Variants in SPOCK3 observed in about 807,000 individuals in gnomAD.
SPOCK3 encodes SPARC (osteonectin), cwcv and kazal like domains proteoglycan 3, also known as testican-3.
SPOCK3 carries 30 observed loss-of-function variants against 56.6 expected under a neutral mutation model. That is an observed-to-expected ratio of 0.53 (90% CI 0.40 to 0.72). The LOEUF is 0.72. SPOCK3 is among the 30% of genes least tolerant of loss of function. The probability of loss-of-function intolerance (pLI) is 0.00; values close to 1 mark genes in which losing one functional copy is unlikely to be tolerated. For synonymous variants in SPOCK3, 196 were observed against 183.3 expected, an observed-to-expected ratio of 1.07 and a Z score of -0.56; for missense variants, 527 against 530.0, an observed-to-expected ratio of 0.99 and a Z score of 0.06.
At chr4:166,954,685 C>T (rs28431905) in intron 4 of SPOCK3, among the ~76,000 whole-genome samples, 7,763 of 152,132 alleles carry the variant, frequency 0.051, 649 homozygotes, top group African/African-American at 0.18. Context: ...GCATAATATA[C>T]CCACCTTAAA....
intron 3 of SPOCK3, among the ~76,000 whole-genome samples, chr4:167,059,065 C>T (rs544309808): frequency 0.036 from 5,512 of 152,012 alleles, 298 homozygotes; most frequent in African/African-American, 0.13. Context: ...AAAACCTAGG[C>T]AATACCATTC....
intron 4 of SPOCK3, among the ~76,000 whole-genome samples, chr4:166,982,902 G>A (rs557172272): frequency 1.5e-4 from 23 of 152,230 alleles, no homozygotes; most frequent in African/African-American, 5.5e-4. Flanking sequence ...TTATAGATAA[G>A]CATAAGGGGC....
chr4:166,780,492 A>G (rs963266977), intron 7 of SPOCK3, among the ~76,000 whole-genome samples: 1 of 152,144 alleles, frequency 6.6e-6, no homozygotes, highest in Non-Finnish European at 1.5e-5. Flanking sequence ...ATGAACTCCC[A>G]TCCACATCCA....
chr4:166,739,271 C>T (rs780348838), intron 9 of SPOCK3, among the ~76,000 whole-genome samples: 33 of 152,016 alleles, frequency 2.2e-4, no homozygotes, highest in Non-Finnish European at 4.4e-4. Context: ...GACAGAGTCT[C>T]ACTCCATCAC....
At chr4:166,985,883 C>T (rs1300725837) in intron 4 of SPOCK3, among the ~76,000 whole-genome samples, 1 of 152,060 alleles carries the variant, frequency 6.6e-6, no homozygotes, top group Non-Finnish European at 1.5e-5. Context: ...TTTAGTACAT[C>T]CAAACAAACG....
At chr4:167,133,120 C>T (rs185888174) in intron 2 of SPOCK3, among the ~76,000 whole-genome samples, 6 of 152,224 alleles carry the variant, frequency 3.9e-5, no homozygotes, top group East Asian at 1.9e-4. Context: ...TATTACAATG[C>T]AAATGGGTTT....
intron 2 of SPOCK3, among the ~76,000 whole-genome samples, chr4:167,088,827 T>C (rs1290389460): frequency 2.0e-5 from 3 of 152,148 alleles, no homozygotes; most frequent in African/African-American, 7.2e-5. Flanking sequence ...CATTTTATAG[T>C]AGCTAGTACC....
At chr4:166,996,882 G>A (rs1487033462) in intron 4 of SPOCK3, among the ~76,000 whole-genome samples, 6 of 152,098 alleles carry the variant, frequency 3.9e-5, no homozygotes, top group Non-Finnish European at 8.8e-5. Context: ...GCTGAGGAAG[G>A]AGAAATTTAC....
chr4:166,867,123 T>A (rs1378133645), intron 6 of SPOCK3, among the ~76,000 whole-genome samples: 1 of 152,032 alleles, frequency 6.6e-6, no homozygotes, highest in East Asian at 1.9e-4. Flanking sequence ...GAAGGCATCA[T>A]TTTAATGCAC....
intron 6 of SPOCK3, among the ~76,000 whole-genome samples, chr4:166,805,421 T>C (rs1743051731): frequency 6.6e-6 from 1 of 152,082 alleles, no homozygotes; most frequent in Non-Finnish European, 1.5e-5. Context: ...AATGGTCACA[T>C]ATACCTACAA....
chr4:166,916,983 AAG>A (rs1737930030), intron 4 of SPOCK3, among the ~76,000 whole-genome samples: 1 of 152,152 alleles, frequency 6.6e-6, no homozygotes, highest in African/African-American at 2.4e-5. Context: ...TGGATGTTAA[AAG>A]AGAGAGCTAG....
At chr4:167,034,987 T>C (rs7689768) in intron 3 of SPOCK3, among the ~76,000 whole-genome samples, 54,896 of 151,886 alleles carry the variant, frequency 0.36, 12,299 homozygotes, top group African/African-American at 0.64. Context: ...TAATATCTAC[T>C]CATTGATAAA....
chr4:167,072,411 G>T (rs1330658352), intron 2 of SPOCK3, among the ~76,000 whole-genome samples: 2 of 151,902 alleles, frequency 1.3e-5, no homozygotes, highest in African/African-American at 4.8e-5. Context: ...CATAAGGCCC[G>T]AAAAGCTTAA....
At chr4:166,821,363 AT>A (rs1350556413) in intron 6 of SPOCK3, among the ~76,000 whole-genome samples, 3 of 152,172 alleles carry the variant, frequency 2.0e-5, no homozygotes, top group African/African-American at 7.2e-5. Flanking sequence ...TGGTGAAGAC[AT>A]TTTGAAAAAC....
intron 2 of SPOCK3, among the ~76,000 whole-genome samples, chr4:167,165,721 C>T (rs1277893837): frequency 6.6e-6 from 1 of 151,990 alleles, no homozygotes; most frequent in Non-Finnish European, 1.5e-5. Context: ...TAAGGAATGA[C>T]TTTCAAATGG....
intron 5 of SPOCK3, among the ~76,000 whole-genome samples, chr4:166,901,934 G>A (rs1340339704): frequency 6.6e-6 from 1 of 152,104 alleles, no homozygotes; most frequent in Non-Finnish European, 1.5e-5. Context: ...TGTTGATGGA[G>A]TGGCCTACGT....
chr4:166,870,103 C>T (rs1179998069), intron 6 of SPOCK3, among the ~76,000 whole-genome samples: 1 of 152,028 alleles, frequency 6.6e-6, no homozygotes, highest in Non-Finnish European at 1.5e-5. Flanking sequence ...ACTATTCTCA[C>T]TAATGAATCC....
intron 6 of SPOCK3, among the ~76,000 whole-genome samples, chr4:166,850,398 A>G (rs1264934399): frequency 6.6e-6 from 1 of 152,254 alleles, no homozygotes; most frequent in Non-Finnish European, 1.5e-5. Flanking sequence ...AATTTGTGAT[A>G]TAATAGGGTT....
chr4:166,892,016 T>A (rs919573921), intron 5 of SPOCK3, among the ~76,000 whole-genome samples: 4 of 152,064 alleles, frequency 2.6e-5, no homozygotes, highest in African/African-American at 9.6e-5. Context: ...TGGCTAATAC[T>A]TGAATGAACA....
Sources: allele counts gnomAD v4.1 joint callset (sites outside exome capture counted in the v4.1 genomes callset), GRCh38; gene constraint gnomAD v4.1.1; transcripts MANE v1.5; gene names NCBI Gene and HGNC (gene_info 2026-07-23, HGNC 2026-07-21).